Variants in GLT1D1 observed in about 807,000 individuals in gnomAD.
GLT1D1 encodes the protein glycosyltransferase 1 domain-containing protein 1.
GLT1D1 carries 21 observed loss-of-function variants against 28.7 expected under a neutral mutation model. The observed-to-expected ratio is 0.73, with a 90% CI of 0.52 to 1.05. The LOEUF is 1.05. GLT1D1 is among the 50% of genes least tolerant of loss of function. GLT1D1 has a pLI of 0.00. For synonymous variants in GLT1D1, 147 were observed against 124.8 expected (o/e 1.18, Z -1.19); for missense variants, 343 against 330.6 (o/e 1.04, Z -0.29).
At chr12:128,855,756 T>C (rs1956202506) in intron 1 of GLT1D1, among the ~76,000 whole-genome samples, 2 of 147,552 alleles carry the variant, frequency 1.4e-5, no homozygotes, top group Admixed American at 6.7e-5. Flanking sequence ...CTTTTTTTTT[T>C]TTTTTTTTTT....
intron 3 of GLT1D1, among the ~76,000 whole-genome samples, chr12:128,890,185 A>T (rs952488065): frequency 1.3e-5 from 2 of 152,120 alleles, no homozygotes; most frequent in African/African-American, 4.8e-5. Flanking sequence ...GAAATGCCCC[A>T]TCTGCTTTTT....
chr12:128,941,118 CG>C (rs1875177558), intron 4 of GLT1D1, among the ~76,000 whole-genome samples: 1 of 152,156 alleles, frequency 6.6e-6, no homozygotes, highest in Non-Finnish European at 1.5e-5. Flanking sequence ...CACGTGGCAT[CG>C]TGTTTTCCAA....
intron 6 of GLT1D1, among the ~76,000 whole-genome samples, chr12:128,949,838 G>GCACGTA (rs1295284503): frequency 1.3e-5 from 2 of 151,630 alleles, no homozygotes; most frequent in African/African-American, 4.8e-5. Context: ...ACACGCACAT[G>GCACGTA]CACACGCACG....
intron 7 of GLT1D1, among the ~76,000 whole-genome samples, chr12:128,975,376 G>C (rs1879670688): frequency 1.3e-5 from 2 of 152,200 alleles, no homozygotes; most frequent in African/African-American, 4.8e-5. Flanking sequence ...CATTGACTGA[G>C]AGGTTATTTC....
intron 1 of GLT1D1, among the ~76,000 whole-genome samples, chr12:128,867,441 A>G (rs888620413): frequency 1.1e-4 from 17 of 151,434 alleles, no homozygotes; most frequent in Admixed American, 2.6e-4. Context: ...AGGAAAAGAA[A>G]AAAAAGAGAG....
intron 4 of GLT1D1, among the ~76,000 whole-genome samples, chr12:128,925,775 G>A (rs1566138717): frequency 1.3e-5 from 2 of 152,182 alleles, no homozygotes; most frequent in Non-Finnish European, 2.9e-5. Flanking sequence ...AGTCATAGTT[G>A]AGTCAGTTCC....
Position 128,934,194 on chromosome 12 carries a change from C to CA in GLT1D1, c.376-11131dup, listed in dbSNP as rs1874257124. ...TTGACTTACTGTGTCTTCAAAGAGA[C>CA]AGTCTTTTTTTTTTTTTTTTTTTTT... On this transcript the variant is annotated intron_variant, in intron 4 of 7. Transcript: ENST00000281703. Among the ~76,000 whole-genome samples the CA allele has an allele frequency of 3.0e-5, 4 of 132,080 alleles. No homozygotes were observed. The South Asian group carries it at 1.1e-3, about 36-fold the overall frequency. The allele number at this position is 132,080 out of a possible 152,430, so 86.6% of individuals were successfully genotyped here.
chr12:128,897,691 C>G (rs1337504717), intron 3 of GLT1D1, among the ~76,000 whole-genome samples: 1 of 151,858 alleles, frequency 6.6e-6, no homozygotes, highest in Non-Finnish European at 1.5e-5. Context: ...TTTTTTGAGA[C>G]AGAGTCTCGC....
chr12:128,920,631 A>T (rs1280997155), intron 4 of GLT1D1, among the ~76,000 whole-genome samples: 1 of 152,246 alleles, frequency 6.6e-6, no homozygotes, highest in Non-Finnish European at 1.5e-5. Flanking sequence ...AGACTGCCTC[A>T]GCGTGGATTG....
At chr12:128,883,573 G>A (rs1957112431) in intron 2 of GLT1D1, among the ~76,000 whole-genome samples, 1 of 139,918 alleles carries the variant, frequency 7.1e-6, no homozygotes, top group African/African-American at 2.7e-5. Context: ...CTGGGCGACA[G>A]AGCTAGACTC....
intron 3 of GLT1D1, 30 bp downstream of exon 3, chr12:128,888,774 A>G (rs1172167088): frequency 1.5e-6 from 2 of 1,320,858 alleles, no homozygotes; most frequent in Non-Finnish European, 2.2e-6. Context: ...CATCCATGCC[A>G]AACATTTAAA....
chr12:128,927,996 T>G (rs1370029186), intron 4 of GLT1D1, among the ~76,000 whole-genome samples: 2 of 25,312 alleles, frequency 7.9e-5, no homozygotes, highest in African/African-American at 2.6e-4. Flanking sequence ...CAAGACTCTG[T>G]CTCAAAAAAA....
At chr12:128,898,227 C>G (rs927904431) in intron 3 of GLT1D1, among the ~76,000 whole-genome samples, 4 of 151,882 alleles carry the variant, frequency 2.6e-5, no homozygotes, top group African/African-American at 9.7e-5. Flanking sequence ...AGCTGGAGTG[C>G]AGTGGCACAA....
chr12:128,940,445 G>A (rs1053866106), intron 4 of GLT1D1, among the ~76,000 whole-genome samples: 3 of 152,172 alleles, frequency 2.0e-5, no homozygotes, highest in African/African-American at 7.2e-5. Context: ...CACGCAGAGA[G>A]GTCCGTTAAT....
At chr12:128,946,347 T>TTTGTTG (rs532535900) in intron 5 of GLT1D1, among the ~76,000 whole-genome samples, 2 of 152,076 alleles carry the variant, frequency 1.3e-5, no homozygotes, top group African/African-American at 4.8e-5. Context: ...TCCATTCTTT[T>TTTGTTG]TTGTTGTTGT....
At chr12:128,980,148 G>A (rs571325699) in intron 7 of GLT1D1, among the ~76,000 whole-genome samples, 242 of 152,300 alleles carry the variant, frequency 1.6e-3, no homozygotes, top group African/African-American at 5.4e-3. Flanking sequence ...CCCTGTCGAG[G>A]GAGCCACATC....
At chr12:128,879,227 G>A (rs1451626628) in intron 2 of GLT1D1, among the ~76,000 whole-genome samples, 1 of 152,016 alleles carries the variant, frequency 6.6e-6, no homozygotes, top group Non-Finnish European at 1.5e-5. Flanking sequence ...GTGCCATGGT[G>A]GTTTGCTGTA....
At position 128,946,137 on chromosome 12, in the gene GLT1D1, C is replaced by A. The variant is rs553852592; in HGVS notation, c.419+768C>A. ...CAGACGCGTGTGTGCAAAAGTATCA[C>A]CTGCTCGGGGAAGGGAGGCCTGGCA... On this transcript the variant is annotated intron_variant, in intron 5 of 7. Transcript: ENST00000281703. Among the ~76,000 whole-genome samples, 7 of 152,216 alleles carry A rather than the reference C, an allele frequency of 4.6e-5. No individual in the cohort carries two copies. The East Asian group carries it at 1.4e-3, about 29-fold the overall frequency.
intron 4 of GLT1D1, among the ~76,000 whole-genome samples, chr12:128,917,930 C>G (rs1300526483): frequency 2.0e-5 from 3 of 152,158 alleles, no homozygotes; most frequent in Admixed American, 2.0e-4. Flanking sequence ...CACAAAGATA[C>G]TATTTGACCC....
Sources: gnomAD v4.1 joint callset for allele counts (sites outside exome capture counted in the v4.1 genomes callset) on GRCh38, gnomAD v4.1.1 for gene constraint, MANE v1.5 for transcripts, NCBI Gene and HGNC (gene_info 2026-07-23, HGNC 2026-07-21) for gene names.